Variants in ANK1 observed in about 807,000 individuals in gnomAD.
The protein encoded by ANK1 is ankyrin 1.
Under a neutral mutation model 210.4 loss-of-function variants are expected in ANK1, and 51 were observed. That is an observed-to-expected ratio of 0.24 (90% CI 0.19 to 0.31). The LOEUF is 0.31. Ranked by LOEUF, ANK1 falls within the 10% of genes least tolerant of loss-of-function variation. The probability of loss-of-function intolerance (pLI) is 1.00; values close to 1 mark genes in which losing one functional copy is unlikely to be tolerated. For synonymous variants in ANK1, 967 were observed against 1,025.9 expected, an observed-to-expected ratio of 0.94 and a Z score of 1.10; for missense variants, 2,051 against 2,504.4, an observed-to-expected ratio of 0.82 and a Z score of 3.86.
chr8:41,869,009 G>C (rs57122561), intron 1 of ANK1, among the ~76,000 whole-genome samples: 1 of 152,104 alleles, frequency 6.6e-6, no homozygotes, highest in Non-Finnish European at 1.5e-5. Flanking sequence ...TTTCCTATTC[G>C]TTGGCAAGAT....
chr8:41,804,464 AC>A (rs2150779288), intron 1 of ANK1, among the ~76,000 whole-genome samples: 1 of 151,448 alleles, frequency 6.6e-6, no homozygotes, highest in Admixed American at 6.6e-5. Flanking sequence ...CATATTTAAA[AC>A]CCCCACATGG....
intron 1 of ANK1, among the ~76,000 whole-genome samples, chr8:41,796,940 C>T (rs10099197): frequency 0.78 from 118,551 of 151,890 alleles, 47,112 homozygotes; most frequent in African/African-American, 0.85. Context: ...CAGGCCACGC[C>T]GCCGCTCTTT....
rs769515022 is a variant in ANK1 at position 41,668,342 on chromosome 8, G to A, written c.5319C>T (p.Ala1773=). Residue 1773 remains alanine (A), a synonymous_variant, in exon 39 of 43, where the codon GCC becomes GCT. Coordinates refer to ENST00000289734, the MANE Select transcript of ANK1 (RefSeq NM_000037.4). ...TEQPEAESSQ[A]DRDRRQQGQE... is the part of the protein sequence containing the mutation. ...GGCCTTGCTGCCTCCGGTCCCTGTC[G>A]GCCTGGGAGCTCTCAGCCTCGGGCT... 4.1e-5 allele frequency: 66 copies of A among 1,614,094 alleles called. No individual in the cohort carries two copies. Among genetic ancestry groups the A allele is most frequent in the Non-Finnish European group, 4.9e-5 (58 of 1,180,040 alleles).
chr8:41,769,742 AG>A (rs1842621793), intron 1 of ANK1, among the ~76,000 whole-genome samples: 1 of 152,086 alleles, frequency 6.6e-6, no homozygotes, highest in South Asian at 2.1e-4. Context: ...CACCTCCAAA[AG>A]TTTCCTCATG....
chr8:41,797,742 G>A, upstream of ANK1: 1 of 671,234 alleles, frequency 1.5e-6, no homozygotes, highest in Non-Finnish European at 2.3e-6. The surrounding 1 kb of genome is among the most constrained non-coding windows in gnomAD (Gnocchi z 4.0). Context: ...CCTGGGGACC[G>A]CAGATTACAA....
chr8:41,890,474 C>T (rs1218359275), intron 1 of ANK1, among the ~76,000 whole-genome samples: 1 of 152,104 alleles, frequency 6.6e-6, no homozygotes, highest in Non-Finnish European at 1.5e-5. Flanking sequence ...TTTGGGAGGC[C>T]GAGGCAGGCG....
chr8:41,775,261 G>C (rs1272273943), intron 1 of ANK1, among the ~76,000 whole-genome samples: 1 of 152,220 alleles, frequency 6.6e-6, no homozygotes, highest in African/African-American at 2.4e-5. Context: ...GGCCGACCAG[G>C]GGGTACCCTG....
At chr8:41,736,272 G>C (rs879828193) in intron 2 of ANK1, among the ~76,000 whole-genome samples, 1 of 152,214 alleles carries the variant, frequency 6.6e-6, no homozygotes, top group African/African-American at 2.4e-5. Flanking sequence ...GCAATTTGTC[G>C]AGTGACCAGT....
chr8:41,838,781 A>ATAAT (rs1159119524), intron 1 of ANK1, among the ~76,000 whole-genome samples: 1 of 149,396 alleles, frequency 6.7e-6, no homozygotes, highest in Non-Finnish European at 1.5e-5. Flanking sequence ...AATAATAATA[A>ATAAT]TAATAATAAT....
In ANK1 at chr8:41,715,739, G is replaced by A. The variant is rs759084350; in HGVS notation, c.1515C>T (p.Thr505=). The A allele has an allele frequency of 1.2e-5, 19 of 1,614,208 alleles. No homozygotes were observed. The highest frequency in any genetic ancestry group is 1.6e-5 in the Non-Finnish European group (19 of 1,180,040). ...CCTCACGGGCTGCAATGTGCAGGGG[G>A]GTGTGCCCGGCGGTGGTGGCCAGGT... ...NPNLATTAGH[T]PLHIAAREGH... The change falls in exon 14 of 43, where the codon ACC becomes ACT. Residue 505 remains threonine, a synonymous_variant. Coordinates refer to ENST00000289734, the MANE Select transcript of ANK1 (RefSeq NM_000037.4).
At chr8:41,706,012 TGC>T (rs1824468870) in intron 18 of ANK1, 129 bp downstream of exon 18, 1 of 910,578 alleles carries the variant, frequency 1.1e-6, no homozygotes, top group African/African-American at 1.6e-5. Flanking sequence ...CAAACTCCAC[TGC>T]CAGCCCTAGG....
chr8:41,850,627 T>C (rs573965140), intron 1 of ANK1, among the ~76,000 whole-genome samples: 108 of 152,284 alleles, frequency 7.1e-4, no homozygotes, highest in African/African-American at 2.5e-3. Context: ...ACTACAGGTA[T>C]GAGCCACCAC....
rs192904725 is a variant in ANK1, at chr8:41,885,170, G to A, written c.126+11185C>T. Among the ~76,000 whole-genome samples, 4 of 152,336 alleles carry A rather than the reference G, an allele frequency of 2.6e-5. No individual in the cohort carries two copies. The East Asian group carries it at 5.8e-4, about 22-fold the overall frequency. On this transcript the variant is annotated intron_variant, in intron 1 of 42. Coordinates refer to the ANK1 transcript ENST00000265709. ...ACTCCAGCAGCAGTGAGGATGGTGA[G>A]TTCACTGGAGTTAGCCTTAAAAGTT... is the stretch of plus-strand genomic sequence containing the variant.
In ANK1 at chr8:41,708,995, C is replaced by A. The variant is rs915033592; in HGVS notation, c.1801-20G>T. 6.2e-7 allele frequency: 1 copy of A among 1,613,184 alleles called. No homozygotes were observed. The highest frequency in any genetic ancestry group is 8.5e-7 in the Non-Finnish European group (1 of 1,179,994). Reference sequence around the variant, plus strand: ...GCCATTCTGAAACAGAAGAAGCCGCCCAGAGCCTGGTTACAGGAATGCTGA... The same window carrying A: ...GCCATTCTGAAACAGAAGAAGCCGCACAGAGCCTGGTTACAGGAATGCTGA... On this transcript the variant is annotated intron_variant, in intron 16 of 42. Transcript: ENST00000289734.
chr8:41,748,761 C>T (rs183597933), intron 2 of ANK1, among the ~76,000 whole-genome samples: 151 of 152,312 alleles, frequency 9.9e-4, no homozygotes, highest in Middle Eastern at 3.4e-3. Flanking sequence ...TGAAGCCAGG[C>T]GCGGTGGCTT....
Position 41,690,100 on chromosome 8 carries a change from T to C in ANK1, c.4104+127A>G. 4.8e-6 allele frequency: 7 copies of C among 1,463,304 alleles called. No homozygotes were observed. The South Asian group carries it at 6.0e-5, about 13-fold the overall frequency. The allele number at this position is 1,463,304 out of a possible 1,614,324, so 90.6% of individuals were successfully genotyped here. A position where few individuals can be genotyped will look rare whatever the true frequency, so the allele number is the denominator to read the frequency against. ...TGGAGGAGAGCTCAGCACCTTTGCA[T>C]GCCTCGGGGGACTCTAAGCTTCCAC... On this transcript the variant is annotated intron_variant, in intron 33 of 42. Transcript: ENST00000289734.
At chr8:41,867,922 C>T (rs1177524150) in intron 1 of ANK1, among the ~76,000 whole-genome samples, 2 of 152,200 alleles carry the variant, frequency 1.3e-5, no homozygotes, top group Non-Finnish European at 2.9e-5. Flanking sequence ...TACAGCGGTG[C>T]AATCTCAGCT....
intron 40 of ANK1, among the ~76,000 whole-genome samples, chr8:41,663,200 G>A (rs1446799483): frequency 6.6e-6 from 1 of 151,798 alleles, no homozygotes; most frequent in African/African-American, 2.4e-5. Context: ...TGCCCAGGCT[G>A]GTCTAAATGT....
chr8:41,828,862 T>A (rs1251793375), intron 1 of ANK1: 1 of 152,212 alleles, frequency 6.6e-6, no homozygotes, highest in African/African-American at 2.4e-5. Context: ...TTCCCGCGAA[T>A]CCCGAAAACT....
Sources: gnomAD v4.1 joint callset for allele counts (sites outside exome capture counted in the v4.1 genomes callset) on GRCh38, gnomAD v4.1.1 for gene constraint, Gnocchi (gnomAD v3.1) non-coding constraint, MANE v1.5 for transcripts, NCBI Gene and HGNC (gene_info 2026-07-23, HGNC 2026-07-21) for gene names.